FBXO21: variants seen among roughly 807,000 people sequenced by gnomAD.
FBXO21 encodes the protein F-box only protein 21.
Under a neutral mutation model 76.6 loss-of-function variants are expected in FBXO21, and 32 were observed. The observed-to-expected ratio is 0.42, with a 90% CI of 0.32 to 0.56. The LOEUF (loss-of-function observed/expected upper bound fraction) is 0.56. Ranked by LOEUF, FBXO21 falls within the 20% of genes least tolerant of loss-of-function variation. The pLI, the probability that FBXO21 is intolerant of heterozygous loss-of-function variation, is 0.16. For missense variants in FBXO21, 586 were observed against 797.3 expected (o/e 0.73, Z 3.19); for synonymous variants, 328 against 311.5 (o/e 1.05, Z -0.56).
At chr12:117,169,938 A>G (rs866431908) in intron 7 of FBXO21, among the ~76,000 whole-genome samples, 1 of 152,204 alleles carries the variant, frequency 6.6e-6, no homozygotes, top group South Asian at 2.1e-4. Context: ...AAATATATAT[A>G]GTTACAAAAA....
intron 3 of FBXO21, among the ~76,000 whole-genome samples, chr12:117,181,653 G>T (rs557560370): frequency 2.1e-5 from 3 of 143,666 alleles, no homozygotes; most frequent in South Asian, 2.3e-4. Context: ...ATCTAATCTA[G>T]CTATCTATCT....
At chr12:117,173,270 A>C (rs1375164134) in intron 6 of FBXO21, among the ~76,000 whole-genome samples, 1 of 152,128 alleles carries the variant, frequency 6.6e-6, no homozygotes, top group Non-Finnish European at 1.5e-5. Context: ...ACCTCAGGTG[A>C]TCCGCCCACC....
intron 11 of FBXO21, among the ~76,000 whole-genome samples, chr12:117,152,184 T>C (rs944304623): frequency 6.6e-6 from 1 of 152,076 alleles, no homozygotes; most frequent in African/African-American, 2.4e-5. Flanking sequence ...TACAAGACAA[T>C]GGCCAGGCAC....
chr12:117,150,871 CTGTGTG>C (rs372253197), intron 11 of FBXO21, among the ~76,000 whole-genome samples: 57 of 127,712 alleles, frequency 4.5e-4, no homozygotes, highest in African/African-American at 1.5e-3. Flanking sequence ...TGGCCATGGA[CTGTGTG>C]TGTGTGTGTG....
intron 4 of FBXO21, among the ~76,000 whole-genome samples, chr12:117,175,051 C>T (rs750378655): frequency 2.0e-5 from 3 of 151,962 alleles, no homozygotes; most frequent in Non-Finnish European, 4.4e-5. Flanking sequence ...TAAAAAACTG[C>T]GTGGTATATG....
intron 6 of FBXO21, among the ~76,000 whole-genome samples, chr12:117,173,834 CAG>C (rs1183687807): frequency 1.3e-5 from 2 of 152,074 alleles, no homozygotes; most frequent in African/African-American, 4.8e-5. Context: ...TACGGTCCAT[CAG>C]AGAGAAGCTT....
At position 117,145,940 on chromosome 12, in the gene FBXO21, A is replaced by C. The variant is rs941629842; in HGVS notation, c.*147T>G. On this transcript the variant is annotated 3_prime_UTR_variant, in exon 12 of 12. Coordinates refer to ENST00000622495, the MANE Select transcript of FBXO21 (RefSeq NM_015002.3). ...GCTGGGGAAGAGCACACGGTATTTA[A>C]ACTTAGTAGGAGGCAACCAGCACTA... 2 of 574,764 alleles carry C rather than the reference A, an allele frequency of 3.5e-6. No homozygotes were observed. The highest frequency in any genetic ancestry group is 3.0e-6 in the Non-Finnish European group (1 of 333,112). The allele number at this position is 574,764 out of a possible 1,614,324, so 35.6% of individuals were successfully genotyped here.
At chr12:117,190,039 C>A (rs1032806135) in intron 1 of FBXO21, among the ~76,000 whole-genome samples, 179 bp downstream of exon 1, 11 of 152,030 alleles carry the variant, frequency 7.2e-5, no homozygotes, top group African/African-American at 2.7e-4. Flanking sequence ...CCCGGGGGTC[C>A]GCCTGGCGTG....
chr12:117,173,730 GA>G (rs1956141670), intron 6 of FBXO21, among the ~76,000 whole-genome samples: 1 of 152,194 alleles, frequency 6.6e-6, no homozygotes, highest in Non-Finnish European at 1.5e-5. Context: ...TGAGGAAACA[GA>G]TAAACTCCAC....
At chr12:117,157,817 G>C in intron 10 of FBXO21, 56 bp downstream of exon 10, 1 of 1,472,746 alleles carries the variant, frequency 6.8e-7, no homozygotes, top group Non-Finnish European at 9.2e-7. Context: ...GTGCATGTGT[G>C]TCTCTGCAGC....
chr12:117,190,445 T>TGCC lies in FBXO21; in HGVS notation c.9_11dup (p.Ala5dup). 1.5e-6 allele frequency: 2 copies of TGCC among 1,372,054 alleles called. No homozygotes were observed. Among genetic ancestry groups the TGCC allele is most frequent in the Non-Finnish European group, 1.9e-6 (2 of 1,027,170 alleles). 85.0% of individuals were successfully genotyped at this position (1,372,054 alleles called of 1,614,324 possible). On this transcript the variant is annotated inframe_insertion, in exon 1 of 12. Transcript: ENST00000622495. The stretch of plus-strand genomic sequence containing the variant: ...CCACCTCCATCGCGCTGTCGACTGC[T>TGCC]GCCGCCGCCATCTTGTCCGCGTACC...
At chr12:117,156,032 TC>T in intron 10 of FBXO21, 84 bp from the exon 11 acceptor site, 1 of 1,310,514 alleles carries the variant, frequency 7.6e-7, no homozygotes, top group Non-Finnish European at 1.1e-6. Flanking sequence ...TCAGCTCACA[TC>T]CTCAGTTACC....
chr12:117,187,093 G>C (rs1054016862), intron 2 of FBXO21, among the ~76,000 whole-genome samples: 9 of 151,860 alleles, frequency 5.9e-5, no homozygotes, highest in Non-Finnish European at 1.0e-4. Context: ...TCCAGCCTGG[G>C]CAACAAGAAT....
rs182612569 is a variant in FBXO21, at chr12:117,184,142, T to C, written c.470+2335A>G. On this transcript the variant is annotated intron_variant, in intron 3 of 11. Transcript: ENST00000622495. Reference sequence around the variant, plus strand: ...TTTCTGGCTCTTCTTGTGAATTTAGTCTTCTGTATATATTTTATGACATCC... The same window carrying C: ...TTTCTGGCTCTTCTTGTGAATTTAGCCTTCTGTATATATTTTATGACATCC... Among the ~76,000 whole-genome samples, 72 of 152,028 alleles carry C rather than the reference T, an allele frequency of 4.7e-4. No individual in the cohort carries two copies. The East Asian group carries it at 0.011, about 24-fold the overall frequency.
At chr12:117,158,820 C>T (rs903124991) in intron 9 of FBXO21, among the ~76,000 whole-genome samples, 31 of 152,296 alleles carry the variant, frequency 2.0e-4, no homozygotes, top group African/African-American at 6.3e-4. Context: ...CCACTATTAC[C>T]GCCTCTACTG....
At chr12:117,181,107 T>A (rs1021624745) in intron 3 of FBXO21, among the ~76,000 whole-genome samples, 1 of 152,364 alleles carries the variant, frequency 6.6e-6, no homozygotes, top group Non-Finnish European at 1.5e-5. Flanking sequence ...TCACTGCCAG[T>A]CCTTATATCA....
intron 4 of FBXO21, among the ~76,000 whole-genome samples, chr12:117,175,636 G>C (rs1219361885): frequency 6.6e-6 from 1 of 152,168 alleles, no homozygotes; most frequent in African/African-American, 2.4e-5. Context: ...CTGTCTCCTC[G>C]GCCTCCGAGG....
At chr12:117,184,747 A>G (rs547229192) in intron 3 of FBXO21, among the ~76,000 whole-genome samples, 4 of 152,334 alleles carry the variant, frequency 2.6e-5, no homozygotes, top group African/African-American at 9.6e-5. Context: ...ATTCCATCTC[A>G]AAAAAATAAA....
chr12:117,184,668 T>G (rs1017433082), intron 3 of FBXO21, among the ~76,000 whole-genome samples: 28 of 152,226 alleles, frequency 1.8e-4, no homozygotes, highest in African/African-American at 6.3e-4. Context: ...CAGGACAATC[T>G]CTTGGACCCA....
Sources: allele counts gnomAD v4.1 joint callset (sites outside exome capture counted in the v4.1 genomes callset), GRCh38; gene constraint gnomAD v4.1.1; transcripts MANE v1.5; gene names NCBI Gene and HGNC (gene_info 2026-07-23, HGNC 2026-07-21).